PCED1B: variants seen among roughly 807,000 people sequenced by gnomAD.
The protein encoded by PCED1B is PC-esterase domain containing 1B.
For missense variants in PCED1B, 573 were observed against 573.9 expected (o/e 1.00, Z 0.02); for synonymous variants, 251 against 246.1 (o/e 1.02, Z -0.19).
chr12:47,106,120 A>C (rs576779956), intron 2 of PCED1B, among the ~76,000 whole-genome samples: 1 of 152,178 alleles, frequency 6.6e-6, no homozygotes, highest in Admixed American at 6.5e-5. Flanking sequence ...GTCCATTGCC[A>C]GAAGGTAAAT....
intron 3 of PCED1B, among the ~76,000 whole-genome samples, chr12:47,218,998 G>C (rs1250002005): frequency 6.6e-6 from 1 of 151,996 alleles, no homozygotes; most frequent in Non-Finnish European, 1.5e-5. Flanking sequence ...ACAATTATCT[G>C]GGCATGGTGG....
At chr12:47,142,673 GA>G (rs201463349) in intron 2 of PCED1B, among the ~76,000 whole-genome samples, 3 of 151,570 alleles carry the variant, frequency 2.0e-5, no homozygotes, top group Admixed American at 6.6e-5. Context: ...ATGACAGAAT[GA>G]AAAAAAATCA....
chr12:47,197,107 C>T (rs545391839), intron 2 of PCED1B, among the ~76,000 whole-genome samples: 302 of 149,278 alleles, frequency 2.0e-3, no homozygotes, highest in African/African-American at 6.7e-3. Flanking sequence ...GACATGGTGG[C>T]GGGCACCTGT....
chr12:47,225,781 T>A (rs899745611), intron 3 of PCED1B, among the ~76,000 whole-genome samples: 1 of 152,178 alleles, frequency 6.6e-6, no homozygotes, highest in African/African-American at 2.4e-5. Flanking sequence ...CCACAATGAA[T>A]CAAAACATCC....
intron 2 of PCED1B, among the ~76,000 whole-genome samples, chr12:47,202,325 C>T (rs1942787069): frequency 6.6e-6 from 1 of 152,260 alleles, no homozygotes; most frequent in South Asian, 2.1e-4. Context: ...AAAGATGATA[C>T]CGCATTGCAG....
chr12:47,082,986 A>G (rs1023088433), intron 1 of PCED1B, among the ~76,000 whole-genome samples: 2 of 149,596 alleles, frequency 1.3e-5, no homozygotes, highest in African/African-American at 2.5e-5. Context: ...GACACTTGAC[A>G]TAATTCTGAA....
intron 3 of PCED1B, among the ~76,000 whole-genome samples, chr12:47,218,072 G>A (rs1480669948): frequency 6.6e-6 from 1 of 152,168 alleles, no homozygotes; most frequent in Non-Finnish European, 1.5e-5. Flanking sequence ...CAATAGCAGC[G>A]AACATCTGTA....
At position 47,235,140 on chromosome 12, in the gene PCED1B, A is replaced by G. The variant is rs1366611952; in HGVS notation, c.77A>G (p.His26Arg). 3.2e-6 allele frequency: 5 copies of G among 1,565,394 alleles called. No individual in the cohort carries two copies. The highest frequency in any genetic ancestry group is 1.8e-5 in the Admixed American group (1 of 54,692). Reference protein sequence around the residue: ...KFVVILGDSVHRAVYKDLVLL... With the variant: ...KFVVILGDSVRRAVYKDLVLL... The stretch of plus-strand genomic sequence containing the variant: ...GTGGTCATCCTGGGGGACTCTGTGC[A>G]TAGGGCAGTATACAAGGACCTGGTG... The change falls in exon 4 of 4, where the codon CAT becomes CGT. Residue 26 changes from histidine (H) to arginine (R), a missense_variant. His to Arg is a conservative substitution (Grantham distance 29, BLOSUM62 0). Coordinates refer to ENST00000546455, the MANE Select transcript of PCED1B (RefSeq NM_138371.3).
At position 47,236,203 on chromosome 12, in the gene PCED1B, T is replaced by C. The variant is rs1267612828; in HGVS notation, c.1140T>C (p.Pro380=). Residue 380 remains proline, a synonymous_variant, in exon 4 of 4, where the codon CCT becomes CCC. Transcript: ENST00000546455. ...EDNFMVGPQL[P]MPFFPTPRYQ... is the part of the protein sequence containing the mutation. ...ATTTTATGGTTGGTCCTCAGCTGCCTATGCCCTTCTTCCCCACACCCCGTT... is the reference window on the plus strand; with the variant it reads ...ATTTTATGGTTGGTCCTCAGCTGCCCATGCCCTTCTTCCCCACACCCCGTT... The C allele has an allele frequency of 4.3e-6, 7 of 1,614,028 alleles. No homozygotes were observed. The highest frequency in any genetic ancestry group is 5.9e-6 in the Non-Finnish European group (7 of 1,180,034).
intron 2 of PCED1B, among the ~76,000 whole-genome samples, chr12:47,155,619 A>G (rs999174417): frequency 2.0e-5 from 3 of 152,230 alleles, no homozygotes; most frequent in Admixed American, 6.5e-5. Context: ...GGAAACAGGT[A>G]TAAGTACCAC....
chr12:47,229,597 G>A (rs1943736854), intron 3 of PCED1B, among the ~76,000 whole-genome samples: 1 of 152,044 alleles, frequency 6.6e-6, no homozygotes, highest in South Asian at 2.1e-4. Flanking sequence ...TAGCCTGAAG[G>A]TAATTTTATA....
chr12:47,127,600 G>A (rs1353304775), intron 2 of PCED1B, among the ~76,000 whole-genome samples: 2 of 151,836 alleles, frequency 1.3e-5, no homozygotes, highest in Non-Finnish European at 2.9e-5. Flanking sequence ...TCCTGACCTC[G>A]TGATCTGCCC....
rs184434187 is a variant in PCED1B, at chr12:47,195,222, G to A, written c.-525-21000G>A. 1.8e-3 allele frequency among the ~76,000 whole-genome samples: 279 copies of A among 151,964 alleles called. 6 individuals are homozygous for A. The East Asian group carries it at 0.03, about 16-fold the overall frequency. On this transcript the variant is annotated intron_variant, in intron 2 of 3. Transcript: ENST00000546455. Reference sequence around the variant, plus strand: ...TACACACCTGTAGTCCCAGCTACTCGGGAAGCTGAGACAGGAGAATCACTT... The same window carrying A: ...TACACACCTGTAGTCCCAGCTACTCAGGAAGCTGAGACAGGAGAATCACTT...
intron 2 of PCED1B, among the ~76,000 whole-genome samples, chr12:47,181,376 T>A (rs948776916): frequency 5.7e-4 from 46 of 80,410 alleles, no homozygotes; most frequent in Non-Finnish European, 1.1e-4. Context: ...TTTCATTATT[T>A]TTTTTTTTTT....
intron 2 of PCED1B, among the ~76,000 whole-genome samples, chr12:47,176,896 T>C (rs1367506888): frequency 4.6e-5 from 7 of 151,040 alleles, no homozygotes; most frequent in East Asian, 1.9e-4. Context: ...CACAGAAGCA[T>C]TGAATGTTGA....
At chr12:47,147,793 A>G (rs1484994574) in intron 2 of PCED1B, among the ~76,000 whole-genome samples, 1 of 152,166 alleles carries the variant, frequency 6.6e-6, no homozygotes, top group Admixed American at 6.5e-5. Flanking sequence ...CCTCACCAGA[A>G]TTGCCCTTAA....
intron 2 of PCED1B, among the ~76,000 whole-genome samples, chr12:47,183,128 G>A (rs1942148285): frequency 6.6e-6 from 1 of 152,120 alleles, no homozygotes; most frequent in Non-Finnish European, 1.5e-5. Context: ...GATATCTTGG[G>A]AGTGTTAGCT....
chr12:47,217,819 C>T (rs1215717432), intron 3 of PCED1B, among the ~76,000 whole-genome samples: 1 of 152,166 alleles, frequency 6.6e-6, no homozygotes, highest in African/African-American at 2.4e-5. Flanking sequence ...TCAGGTGATC[C>T]GACCGTCTTG....
chr12:47,097,197 A>G (rs1280573185), intron 1 of PCED1B, among the ~76,000 whole-genome samples: 1 of 152,202 alleles, frequency 6.6e-6, no homozygotes, highest in Non-Finnish European at 1.5e-5. Flanking sequence ...TTGATCTTCT[A>G]TCTGTATCAA....
Sources: allele counts gnomAD v4.1 joint callset (sites outside exome capture counted in the v4.1 genomes callset), GRCh38; gene constraint gnomAD v4.1.1; transcripts MANE v1.5; gene names NCBI Gene and HGNC (gene_info 2026-07-23, HGNC 2026-07-21).